The following LCORL variants were observed in gnomAD, a reference collection of about 807,000 sequenced individuals.
LCORL encodes the protein ligand dependent nuclear receptor corepressor like, also known as ligand-dependent nuclear receptor corepressor-like protein.
LCORL carries 41 observed loss-of-function variants against 141.8 expected under a neutral mutation model. The ratio of observed to expected loss-of-function variants is 0.29; its 90% CI spans 0.23 to 0.38. The LOEUF (loss-of-function observed/expected upper bound fraction) is 0.38, where lower values mean the gene tolerates loss of function less well. Ranked by LOEUF, LCORL falls within the 10% of genes least tolerant of loss-of-function variation. LCORL has a pLI of 1.00. For synonymous variants in LCORL, 618 were observed against 694.1 expected, an observed-to-expected ratio of 0.89 and a Z score of 1.72; for missense variants, 1,759 against 2,035.0, an observed-to-expected ratio of 0.86 and a Z score of 2.61.
At chr4:17,907,913 T>G (rs1659929424) in intron 5 of LCORL, among the ~76,000 whole-genome samples, 1 of 152,262 alleles carries the variant, frequency 6.6e-6, no homozygotes, top group East Asian at 1.9e-4. Context: ...GTCACATAAA[T>G]ACTTGCAACC....
At chr4:17,951,170 A>C (rs1739668881) in intron 4 of LCORL, among the ~76,000 whole-genome samples, 1 of 152,168 alleles carries the variant, frequency 6.6e-6, no homozygotes, top group Admixed American at 6.5e-5. Context: ...CTCTATAATC[A>C]ATTAATCAGA....
chr4:17,985,982 T>C (rs1358181391), intron 1 of LCORL, among the ~76,000 whole-genome samples: 1 of 152,182 alleles, frequency 6.6e-6, no homozygotes, highest in Non-Finnish European at 1.5e-5. Context: ...CAGTATTTGC[T>C]TATTTAAAAA....
intron 7 of LCORL, among the ~76,000 whole-genome samples, chr4:17,849,098 G>A (rs1414796124): frequency 6.6e-6 from 1 of 152,244 alleles, no homozygotes; most frequent in Admixed American, 6.5e-5. Flanking sequence ...CACCTCTGGG[G>A]GCAGGGCACA....
chr4:17,866,830 G>T, intron 7 of LCORL: 2 of 218,398 alleles, frequency 9.2e-6, no homozygotes, highest in Non-Finnish European at 1.6e-5. Flanking sequence ...TAGGAGAGCT[G>T]AACTAAGAAT....
intron 5 of LCORL, among the ~76,000 whole-genome samples, chr4:17,900,425 C>T (rs966104568): frequency 6.6e-6 from 1 of 152,052 alleles, no homozygotes; most frequent in Non-Finnish European, 1.5e-5. Flanking sequence ...ATGCCCTGAC[C>T]TTAGATCTTC....
At chr4:17,902,557 AAACTT>A (rs1398699858) in intron 5 of LCORL, among the ~76,000 whole-genome samples, 1 of 152,194 alleles carries the variant, frequency 6.6e-6, no homozygotes, top group Non-Finnish European at 1.5e-5. Flanking sequence ...CAGAATTACA[AAACTT>A]AATTTATAAA....
chr4:18,018,436 G>A (rs1201973318), intron 1 of LCORL, among the ~76,000 whole-genome samples: 1 of 152,070 alleles, frequency 6.6e-6, no homozygotes, highest in Non-Finnish European at 1.5e-5. Flanking sequence ...GGGACAAAAG[G>A]TTGTAGGACA....
In LCORL at chr4:17,875,169, ATACT is replaced by A; in HGVS notation, c.3817_3820del (p.Ser1273LeufsTer8). ...TTCTAAAGGAGGCAAGCAGCTGCTAATACTTACTTCTCTTTCCTGAGGTGAAGTT... is the reference window on the plus strand; with the variant it reads ...TTCTAAAGGAGGCAAGCAGCTGCTAATACTTCTCTTTCCTGAGGTGAAGTT... On this transcript the variant is annotated frameshift_variant, in exon 7 of 8. Transcript: ENST00000635767. LOFTEE classifies it high-confidence loss of function. The A allele has an allele frequency of 1.6e-6, 2 of 1,232,226 alleles. No homozygotes were observed. Among genetic ancestry groups the A allele is most frequent in the East Asian group, 3.2e-5 (1 of 31,654 alleles). The allele number at this position is 1,232,226 out of a possible 1,614,324, so 76.3% of individuals were successfully genotyped here.
chr4:17,983,435 C>T (rs1194308832), intron 1 of LCORL, among the ~76,000 whole-genome samples: 1 of 151,950 alleles, frequency 6.6e-6, no homozygotes, highest in South Asian at 2.1e-4. Context: ...TCATCTCTGA[C>T]TTATCTGAGC....
chr4:18,003,151 G>A (rs115506207), intron 1 of LCORL, among the ~76,000 whole-genome samples: 12 of 152,164 alleles, frequency 7.9e-5, no homozygotes, highest in East Asian at 1.9e-4. Flanking sequence ...TGCTTTTGTC[G>A]TTGGTGCAGA....
rs114853306 is a variant in LCORL at position 17,976,256 on chromosome 4, A to T, written c.155-3371T>A. Among the ~76,000 whole-genome samples the T allele has an allele frequency of 9.9e-3, 1,510 of 152,250 alleles. 22 individuals carry two copies. Among genetic ancestry groups the T allele is most frequent in the African/African-American group, 0.031 (1,279 of 41,556 alleles). On this transcript the variant is annotated intron_variant, in intron 1 of 7. Coordinates refer to ENST00000635767, the Ensembl canonical transcript of LCORL. ...ACAGTGTTTTAGACCATTAAAATTGAATGTATTTATTAAAATAGTTGGATT... is the reference window on the plus strand; with the variant it reads ...ACAGTGTTTTAGACCATTAAAATTGTATGTATTTATTAAAATAGTTGGATT...
chr4:17,961,643 C>G (rs552144217), intron 4 of LCORL, among the ~76,000 whole-genome samples: 210 of 151,678 alleles, frequency 1.4e-3, no homozygotes, highest in African/African-American at 4.8e-3. Flanking sequence ...TTAAAGGTTC[C>G]TATAATAGAT....
At chr4:17,950,477 A>T (rs1009050744) in intron 4 of LCORL, among the ~76,000 whole-genome samples, 1 of 152,212 alleles carries the variant, frequency 6.6e-6, no homozygotes, top group Non-Finnish European at 1.5e-5. Context: ...GGGTGCTAAT[A>T]CATTTAATAC....
At chr4:17,877,631 T>G in exon 7 of LCORL, 1 of 1,230,658 alleles carries the variant, frequency 8.1e-7, no homozygotes, top group Non-Finnish European at 1.0e-6. Context: ...CGTCTTTCAA[T>G]TTTTCAAATC....
At chr4:17,858,168 A>G (rs1724577308) in intron 7 of LCORL, among the ~76,000 whole-genome samples, 2 of 152,212 alleles carry the variant, frequency 1.3e-5, no homozygotes, top group African/African-American at 4.8e-5. Flanking sequence ...GGTAGATATA[A>G]AGAATACTGA....
At chr4:17,916,024 T>G (rs1311562896) in intron 4 of LCORL, among the ~76,000 whole-genome samples, 1 of 152,194 alleles carries the variant, frequency 6.6e-6, no homozygotes, top group Non-Finnish European at 1.5e-5. Flanking sequence ...AGCTTGAAAC[T>G]TGTATTTGTT....
chr4:17,894,832 T>C (rs2109266606), intron 5 of LCORL, among the ~76,000 whole-genome samples: 1 of 152,202 alleles, frequency 6.6e-6, no homozygotes, highest in Non-Finnish European at 1.5e-5. Context: ...GGTCTAATAA[T>C]TGTTTAGATC....
At chr4:17,999,505 T>G (rs1577692021) in intron 1 of LCORL, among the ~76,000 whole-genome samples, 1 of 151,964 alleles carries the variant, frequency 6.6e-6, no homozygotes, top group Non-Finnish European at 1.5e-5. Context: ...TGATAGGAAC[T>G]TCCCAACTCC....
intron 6 of LCORL, chr4:17,882,967 G>A (rs2109211084): frequency 1.1e-6 from 1 of 914,764 alleles, no homozygotes; most frequent in South Asian, 5.0e-5. Context: ...ATTATTTTTT[G>A]TTCTTAGTAC....
Sources: gnomAD v4.1 joint callset for allele counts (sites outside exome capture counted in the v4.1 genomes callset) on GRCh38, gnomAD v4.1.1 for gene constraint, MANE v1.5 for transcripts, NCBI Gene and HGNC (gene_info 2026-07-23, HGNC 2026-07-21) for gene names.